Variants in SLC38A10 observed in about 807,000 individuals in gnomAD.
SLC38A10 encodes solute carrier family 38 member 10, also known as Sodium-coupled neutral amino acid transporter 10.
Under a neutral mutation model 81.0 loss-of-function variants are expected in SLC38A10, and 53 were observed. The observed-to-expected ratio is 0.65, with a 90% CI of 0.53 to 0.82. SLC38A10 has a LOEUF of 0.82. Among genes scored for constraint, SLC38A10 ranks in the 40% least tolerant of loss-of-function variants. The pLI, the probability that SLC38A10 is intolerant of heterozygous loss-of-function variation, is 0.00. For synonymous variants in SLC38A10, 665 were observed against 655.3 expected (o/e 1.01, Z -0.23); for missense variants, 1,471 against 1,545.0 (o/e 0.95, Z 0.80).
intron 14 of SLC38A10, 132 bp downstream of exon 14, chr17:81,251,361 C>T (rs2062910439): frequency 6.2e-7 from 1 of 1,612,828 alleles, no homozygotes; most frequent in South Asian, 1.1e-5. Flanking sequence ...GGGGTCTGCT[C>T]AGCAGGCGGC....
intron 14 of SLC38A10, among the ~76,000 whole-genome samples, chr17:81,249,669 G>A (rs963124758): frequency 6.6e-6 from 1 of 151,910 alleles, no homozygotes; most frequent in Non-Finnish European, 1.5e-5. Flanking sequence ...AGACCACGGG[G>A]ACTGGGCTGC....
At position 81,281,080 on chromosome 17, in the gene SLC38A10, C is replaced by T. The variant is rs1359848018; in HGVS notation, c.502-347G>A. On this transcript the variant is annotated intron_variant, in intron 5 of 15. Transcript: ENST00000374759. This position sits in a 1 kb window ranked among gnomAD's most constrained non-coding sequence, Gnocchi z 5.3. ...GTCGGTTACAGAGGCTGGTTTCCCACGTGGGCAGGTCCCTCCCCATCTTGT... is the reference window on the plus strand; with the variant it reads ...GTCGGTTACAGAGGCTGGTTTCCCATGTGGGCAGGTCCCTCCCCATCTTGT... 6.6e-6 allele frequency among the ~76,000 whole-genome samples: 1 copy of T among 152,224 alleles called. No homozygotes were observed. Among genetic ancestry groups the T allele is most frequent in the Non-Finnish European group, 1.5e-5 (1 of 68,036 alleles).
intron 6 of SLC38A10, among the ~76,000 whole-genome samples, chr17:81,279,367 C>T (rs1389418063): frequency 2.0e-5 from 3 of 152,374 alleles, no homozygotes; most frequent in African/African-American, 4.8e-5. Context: ...CGCGGCCCGC[C>T]ACCCAACAGG....
chr17:81,291,501 A>T (rs1175427115), intron 1 of SLC38A10, among the ~76,000 whole-genome samples: 2 of 151,954 alleles, frequency 1.3e-5, no homozygotes, highest in African/African-American at 4.8e-5. Context: ...AAAAAAAAAA[A>T]AAGTAAGTCT....
intron 3 of SLC38A10, 100 bp downstream of exon 3, chr17:81,284,750 A>T: frequency 1.1e-6 from 1 of 916,780 alleles, no homozygotes; most frequent in Non-Finnish European, 1.6e-6. Flanking sequence ...AACCTAAGTT[A>T]CAGGTGAATC....
In SLC38A10 at chr17:81,277,887, A is replaced by G. The variant is rs374724020; in HGVS notation, c.627-754T>C. 3.9e-5 allele frequency among the ~76,000 whole-genome samples: 6 copies of G among 152,164 alleles called. No homozygotes were observed. The highest frequency in any genetic ancestry group is 7.3e-5 in the Non-Finnish European group (5 of 68,028). ...GGGAGTTGGGCCAGGCACACGCCAG[A>G]GCACAGGTGAGAGCTGCTCTGCCAT... On this transcript the variant is annotated intron_variant, in intron 6 of 15. Transcript: ENST00000374759. This position sits in a 1 kb window ranked among gnomAD's most constrained non-coding sequence, Gnocchi z 4.5.
At position 81,277,247 on chromosome 17, in the gene SLC38A10, C is replaced by A; in HGVS notation, c.627-114G>T. On this transcript the variant is annotated intron_variant, in intron 6 of 15. Coordinates refer to ENST00000374759, the MANE Select transcript of SLC38A10 (RefSeq NM_001037984.3). The surrounding 1 kb of genome is among the most constrained non-coding windows in gnomAD (Gnocchi z 4.5). Reference sequence around the variant, plus strand: ...TGAGAGTCTCTGACCTTCCTTCATGCAACATTCTCTGCACACTGGAAGTCC... The same window carrying A: ...TGAGAGTCTCTGACCTTCCTTCATGAAACATTCTCTGCACACTGGAAGTCC... The A allele has an allele frequency of 2.2e-6, 2 of 892,688 alleles. No homozygotes were observed. Among genetic ancestry groups the A allele is most frequent in the South Asian group, 2.9e-5 (2 of 69,098 alleles). 55.3% of individuals were successfully genotyped at this position (892,688 alleles called of 1,614,324 possible). A position where few individuals can be genotyped will look rare whatever the true frequency, so the allele number is the denominator to read the frequency against.
chr17:81,255,492 G>A (rs2062963668), intron 11 of SLC38A10, among the ~76,000 whole-genome samples: 1 of 152,242 alleles, frequency 6.6e-6, no homozygotes, highest in South Asian at 2.1e-4. Flanking sequence ...GCCCTGTATG[G>A]GGAGTGCCCC....
intron 14 of SLC38A10, among the ~76,000 whole-genome samples, chr17:81,250,378 C>A: frequency 6.6e-6 from 1 of 152,250 alleles, no homozygotes; most frequent in East Asian, 1.9e-4. Context: ...CAGGCCGCAG[C>A]GACTGGGACG....
intron 4 of SLC38A10, 64 bp from the exon 5 acceptor site, chr17:81,282,396 A>G: frequency 6.5e-7 from 1 of 1,547,680 alleles, no homozygotes; most frequent in Non-Finnish European, 8.7e-7. Flanking sequence ...GGCTCTCTGC[A>G]CTGACAGGGA....
intron 1 of SLC38A10, among the ~76,000 whole-genome samples, chr17:81,291,346 GC>G (rs2063309029): frequency 6.6e-6 from 1 of 151,986 alleles, no homozygotes; most frequent in South Asian, 2.1e-4. Context: ...AATTAGCCAG[GC>G]TTGGTGGTGG....
intron 11 of SLC38A10, among the ~76,000 whole-genome samples, chr17:81,257,809 G>A (rs2062986698): frequency 6.6e-6 from 1 of 152,250 alleles, no homozygotes; most frequent in Admixed American, 6.5e-5. Flanking sequence ...GCCCCGCTGG[G>A]GGAGCGGGGA....
intron 11 of SLC38A10, among the ~76,000 whole-genome samples, chr17:81,259,440 C>T (rs916094963): frequency 1.1e-4 from 16 of 152,330 alleles, no homozygotes; most frequent in African/African-American, 3.6e-4. Context: ...TGAAGGTCAT[C>T]GTGGACAGCA....
At chr17:81,251,104 G>T in intron 14 of SLC38A10, 1 of 1,503,126 alleles carries the variant, frequency 6.7e-7, no homozygotes, top group South Asian at 1.4e-5. Flanking sequence ...TCTGGGTGCA[G>T]GCACGCCCAC....
chr17:81,287,015 G>A (rs1279654580), intron 2 of SLC38A10, among the ~76,000 whole-genome samples: 1 of 152,184 alleles, frequency 6.6e-6, no homozygotes, highest in Non-Finnish European at 1.5e-5. Flanking sequence ...CTGAAGAGGG[G>A]ATTTAGAAAA....
In SLC38A10 at chr17:81,247,075, G is replaced by A. The variant is rs752239714; in HGVS notation, c.2066-14C>T. 3 of 1,571,242 alleles carry A rather than the reference G, an allele frequency of 1.9e-6. No individual in the cohort carries two copies. The African/African-American group carries it at 4.0e-5, about 21-fold the overall frequency. On this transcript the variant is annotated splice_polypyrimidine_tract_variant and intron_variant, in intron 14 of 15. Coordinates refer to ENST00000374759, the MANE Select transcript of SLC38A10 (RefSeq NM_001037984.3). ...CCCTGCCAGCTTCTGGGTTTGGAAA[G>A]CACACAGTCAGAGTGCCCGGGCTGC...
intron 11 of SLC38A10, among the ~76,000 whole-genome samples, chr17:81,259,378 G>T (rs1192301276): frequency 1.3e-5 from 2 of 152,204 alleles, no homozygotes; most frequent in Non-Finnish European, 2.9e-5. Flanking sequence ...TCGGCACACG[G>T]GCAGTGTGGA....
At chr17:81,282,570 G>A (rs1307659367) in intron 4 of SLC38A10, among the ~76,000 whole-genome samples, 7 of 152,208 alleles carry the variant, frequency 4.6e-5, no homozygotes, top group African/African-American at 9.6e-5. Context: ...GCCCCACAGC[G>A]AGACCAGCCA....
intron 14 of SLC38A10, chr17:81,250,913 A>C: frequency 8.6e-7 from 1 of 1,166,400 alleles, no homozygotes; most frequent in Non-Finnish European, 1.1e-6. Flanking sequence ...AGGAGAGCAA[A>C]GGCGTAAGGA....
Sources: allele counts gnomAD v4.1 joint callset (sites outside exome capture counted in the v4.1 genomes callset), GRCh38; gene constraint gnomAD v4.1.1; non-coding constraint Gnocchi (gnomAD v3.1); transcripts MANE v1.5; gene names NCBI Gene and HGNC (gene_info 2026-07-23, HGNC 2026-07-21).